Variants in SDK1 observed in about 807,000 individuals in gnomAD.
SDK1 encodes the protein sidekick cell adhesion molecule 1, also known as protein sidekick-1.
In SDK1, 157 loss-of-function variants were observed where a neutral mutation model predicts 245.5. That is an observed-to-expected ratio of 0.64 (90% CI 0.56 to 0.73). The LOEUF is 0.73. Among genes scored for constraint, SDK1 ranks in the 30% least tolerant of loss-of-function variants. The probability of loss-of-function intolerance (pLI) is 0.00; values close to 1 mark genes in which losing one functional copy is unlikely to be tolerated. For missense variants in SDK1, 3,583 were observed against 3,002.3 expected (o/e 1.19, Z -4.52); for synonymous variants, 1,647 against 1,278.5 (o/e 1.29, Z -6.15).
intron 5 of SDK1, among the ~76,000 whole-genome samples, chr7:3,836,800 A>G (rs983397808): frequency 1.3e-5 from 2 of 152,214 alleles, no homozygotes; most frequent in East Asian, 3.9e-4. Context: ...CTTCCTTAGG[A>G]GACTGGGTGA....
intron 1 of SDK1, among the ~76,000 whole-genome samples, chr7:3,358,113 C>T (rs573458592): frequency 6.6e-6 from 1 of 152,278 alleles, no homozygotes; most frequent in African/African-American, 2.4e-5. Flanking sequence ...CCTCTGCCTC[C>T]TGGATTCCAG....
intron 1 of SDK1, among the ~76,000 whole-genome samples, chr7:3,401,664 C>T (rs559362739): frequency 6.6e-6 from 1 of 152,064 alleles, no homozygotes; most frequent in South Asian, 2.1e-4. Flanking sequence ...GCACTTTGGG[C>T]AGTTACATTA....
chr7:3,841,781 T>C (rs923721847), intron 5 of SDK1, among the ~76,000 whole-genome samples: 3 of 152,126 alleles, frequency 2.0e-5, no homozygotes, highest in African/African-American at 7.2e-5. Flanking sequence ...CAGGCTGGTC[T>C]CGAACTCCTG....
At position 3,348,181 on chromosome 7, in the gene SDK1, C is replaced by T. The variant is rs116680876; in HGVS notation, c.298+46297C>T. On this transcript the variant is annotated intron_variant, in intron 1 of 44. Transcript: ENST00000404826. ...TGCACTTAGGTTTTAATGCATAGCCCAGGCTTACTGCTTGGGTTTGATTCT... is the reference window on the plus strand; with the variant it reads ...TGCACTTAGGTTTTAATGCATAGCCTAGGCTTACTGCTTGGGTTTGATTCT... 6.5e-3 allele frequency among the ~76,000 whole-genome samples: 990 copies of T among 152,236 alleles called. 11 individuals are homozygous for T. Among genetic ancestry groups the T allele is most frequent in the African/African-American group, 0.023 (940 of 41,540 alleles).
At chr7:4,233,769 A>C (rs1785960988) in intron 41 of SDK1, among the ~76,000 whole-genome samples, 1 of 151,920 alleles carries the variant, frequency 6.6e-6, no homozygotes. Flanking sequence ...CCCCAGTGCC[A>C]CCCATCCTCC....
chr7:4,061,358 G>A (rs577438903), intron 19 of SDK1, among the ~76,000 whole-genome samples: 65 of 152,122 alleles, frequency 4.3e-4, no homozygotes, highest in African/African-American at 1.4e-3. Context: ...GGTCCTTCAC[G>A]TCCCTTGAAA....
At chr7:4,231,873 A>G (rs1785794288) in intron 40 of SDK1, among the ~76,000 whole-genome samples, 1 of 152,026 alleles carries the variant, frequency 6.6e-6, no homozygotes, top group Non-Finnish European at 1.5e-5. Flanking sequence ...TGGTTTCCGG[A>G]GCAGTCTCAG....
intron 22 of SDK1, among the ~76,000 whole-genome samples, chr7:4,097,708 T>C (rs1268324916): frequency 6.6e-6 from 1 of 152,226 alleles, no homozygotes; most frequent in East Asian, 1.9e-4. Flanking sequence ...TCACTACTTC[T>C]GTCTCCTCCT....
intron 9 of SDK1, 86 bp downstream of exon 9, chr7:3,962,937 G>T (rs1033765510): frequency 5.4e-5 from 28 of 517,230 alleles, no homozygotes; most frequent in Non-Finnish European, 7.0e-5. Flanking sequence ...TGTAACCAGT[G>T]GGTACACCCA....
chr7:3,632,074 G>C (rs1441792679), intron 2 of SDK1, among the ~76,000 whole-genome samples: 1 of 152,140 alleles, frequency 6.6e-6, no homozygotes, highest in South Asian at 2.1e-4. Context: ...AAAGAATTAA[G>C]TCAACAGACA....
chr7:3,450,231 T>C (rs538899719), intron 1 of SDK1, among the ~76,000 whole-genome samples: 11 of 152,332 alleles, frequency 7.2e-5, no homozygotes, highest in African/African-American at 2.2e-4. Context: ...AGTTTGGTAA[T>C]AGTGAGGAAG....
At chr7:3,939,735 G>C (rs1780287676) in intron 5 of SDK1, among the ~76,000 whole-genome samples, 1 of 152,206 alleles carries the variant, frequency 6.6e-6, no homozygotes, top group African/African-American at 2.4e-5. Context: ...CAGAGCCACA[G>C]CCTGAGCTAT....
intron 1 of SDK1, among the ~76,000 whole-genome samples, chr7:3,390,953 AC>A (rs1781734352): frequency 6.6e-6 from 1 of 152,148 alleles, no homozygotes; most frequent in African/African-American, 2.4e-5. Context: ...ATTTTTAAGC[AC>A]CCAACAGAAA....
rs143585217 is a variant in SDK1, at chr7:3,562,592, A to G, written c.299-56488A>G. 7.2e-3 allele frequency among the ~76,000 whole-genome samples: 1,090 copies of G among 152,336 alleles called. 10 individuals are homozygous for G. The highest frequency in any genetic ancestry group is 0.018 in the South Asian group (87 of 4,828). On this transcript the variant is annotated intron_variant, in intron 1 of 44. Coordinates refer to ENST00000404826, the MANE Select transcript of SDK1 (RefSeq NM_152744.4). ...TGCAGCCTGTGGACGAGGCAGCCAT[A>G]GGTGTCTGGAGAGTCTGGAGGAAAC...
At chr7:3,699,595 A>G (rs1387261673) in intron 4 of SDK1, among the ~76,000 whole-genome samples, 2 of 152,200 alleles carry the variant, frequency 1.3e-5, no homozygotes, top group African/African-American at 4.8e-5. Context: ...TCTGAACAAC[A>G]GAGAAAACAG....
rs148530192 is a variant in SDK1, at chr7:3,963,801, C to G, written c.1429+950C>G. Among the ~76,000 whole-genome samples the G allele has an allele frequency of 5.3e-5, 8 of 151,848 alleles. No individual in the cohort carries two copies. In the East Asian group the frequency reaches 7.7e-4, roughly 15 times the overall value. Reference sequence around the variant, plus strand: ...CAGGCTCACAGCTACCTGACCTGGACGTATCCAGTGAGCACACCCAGGCCG... The same window carrying G: ...CAGGCTCACAGCTACCTGACCTGGAGGTATCCAGTGAGCACACCCAGGCCG... On this transcript the variant is annotated intron_variant, in intron 9 of 44. Coordinates refer to ENST00000404826, the MANE Select transcript of SDK1 (RefSeq NM_152744.4).
chr7:3,716,548 C>G (rs1433438742), intron 4 of SDK1, among the ~76,000 whole-genome samples: 1 of 151,862 alleles, frequency 6.6e-6, no homozygotes, highest in Non-Finnish European at 1.5e-5. Flanking sequence ...TTGCTTGAGG[C>G]CAGGAATTTG....
At chr7:3,839,667 A>G (rs889741011) in intron 5 of SDK1, among the ~76,000 whole-genome samples, 1 of 152,240 alleles carries the variant, frequency 6.6e-6, no homozygotes, top group Non-Finnish European at 1.5e-5. Context: ...ACTAATTAAA[A>G]AAAGAACATT....
At chr7:4,005,398 G>GTGTGTC (rs1327071127) in intron 14 of SDK1, among the ~76,000 whole-genome samples, 2 of 94,806 alleles carry the variant, frequency 2.1e-5, no homozygotes, top group African/African-American at 8.2e-5. Flanking sequence ...ATGTGAGTGT[G>GTGTGTC]TGTGTGTGTG....
Sources: allele counts gnomAD v4.1 joint callset (sites outside exome capture counted in the v4.1 genomes callset), GRCh38; gene constraint gnomAD v4.1.1; transcripts MANE v1.5; gene names NCBI Gene and HGNC (gene_info 2026-07-23, HGNC 2026-07-21).